Variants in TBC1D19 observed in about 807,000 individuals in gnomAD.
TBC1D19 encodes TBC1 domain family, member 19.
TBC1D19 carries 60 observed loss-of-function variants against 89.0 expected under a neutral mutation model. The ratio of observed to expected loss-of-function variants is 0.67; its 90% CI spans 0.55 to 0.84. The LOEUF is 0.84. Ranked by LOEUF, TBC1D19 falls within the 40% of genes least tolerant of loss-of-function variation. TBC1D19 has a pLI of 0.00. For missense variants in TBC1D19, 500 were observed against 610.8 expected (o/e 0.82, Z 1.91); for synonymous variants, 189 against 199.7 (o/e 0.95, Z 0.45).
chr4:26,852,119 T>C, the TBC1D19 span, among the ~76,000 whole-genome samples: 2 of 152,254 alleles, frequency 1.3e-5, no homozygotes, highest in Admixed American at 6.5e-5. Context: ...GAGTTTCTAC[T>C]GTCCTTCTGC....
downstream of TBC1D19, among the ~76,000 whole-genome samples, chr4:26,760,533 C>T (rs1024098759): frequency 2.6e-5 from 4 of 152,046 alleles, no homozygotes; most frequent in Non-Finnish European, 5.9e-5. Flanking sequence ...GCTGTGATCC[C>T]GCCACTGCAT....
At chr4:26,620,718 T>C in intron 4 of TBC1D19, 30 bp downstream of exon 4, 1 of 1,599,244 alleles carries the variant, frequency 6.3e-7, no homozygotes, top group Non-Finnish European at 8.6e-7. Context: ...CATTTTATTT[T>C]TTCATGCCAA....
intron 4 of TBC1D19, among the ~76,000 whole-genome samples, chr4:26,636,435 G>T (rs1380199609): frequency 4.0e-5 from 6 of 149,148 alleles, no homozygotes; most frequent in African/African-American, 1.5e-4. Context: ...AATCTAGATT[G>T]TGACACATTC....
At chr4:26,817,981 A>AAATATATATATATATATATATATAT in the TBC1D19 span, among the ~76,000 whole-genome samples, 4 of 126,046 alleles carry the variant, frequency 3.2e-5, no homozygotes, top group African/African-American at 1.1e-4. Flanking sequence ...AAAAAAAAAA[A>AAATATATATATATATATATATATAT]ATATATATAT....
intron 13 of TBC1D19, among the ~76,000 whole-genome samples, chr4:26,708,980 A>AT (rs1224648438): frequency 3.5e-3 from 493 of 141,348 alleles, no homozygotes; most frequent in African/African-American, 7.5e-3. Context: ...ACAGTTGTCA[A>AT]TTTTTTTTTT....
At chr4:26,650,913 C>T (rs942603441) in intron 7 of TBC1D19, among the ~76,000 whole-genome samples, 3 of 152,128 alleles carry the variant, frequency 2.0e-5, no homozygotes, top group Non-Finnish European at 4.4e-5. Context: ...GGAAGGGATC[C>T]AGTTTCAGCT....
intron 3 of TBC1D19, among the ~76,000 whole-genome samples, chr4:26,618,170 T>G (rs1741816752): frequency 6.6e-6 from 1 of 152,184 alleles, no homozygotes; most frequent in African/African-American, 2.4e-5. Flanking sequence ...TAGACAGTCT[T>G]TGCCTCCTGG....
chr4:26,581,091 A>G (rs946055764), upstream of TBC1D19, among the ~76,000 whole-genome samples: 2 of 152,192 alleles, frequency 1.3e-5, no homozygotes, highest in African/African-American at 4.8e-5. Context: ...AGTTTTAACT[A>G]TTCAGATAAA....
intron 1 of TBC1D19, 136 bp downstream of exon 1, chr4:26,584,428 A>G (rs1739287513): frequency 3.7e-6 from 1 of 267,494 alleles, no homozygotes; most frequent in Non-Finnish European, 6.7e-6. Flanking sequence ...CAAACAGACA[A>G]AAACAAAAAC....
chr4:26,825,924 G>A, the TBC1D19 span, among the ~76,000 whole-genome samples: 1 of 152,092 alleles, frequency 6.6e-6, no homozygotes, highest in Non-Finnish European at 1.5e-5. Context: ...TAAGCTGGCC[G>A]GGCATGGTGG....
chr4:26,794,157 A>G, the TBC1D19 span, among the ~76,000 whole-genome samples: 1 of 152,252 alleles, frequency 6.6e-6, no homozygotes, highest in South Asian at 2.1e-4. Context: ...TATCTGTTCT[A>G]TCCTACTAAT....
At chr4:26,757,028 T>C (rs998226822), downstream of TBC1D19, among the ~76,000 whole-genome samples, 100 of 152,106 alleles carry the variant, frequency 6.6e-4, no homozygotes, top group African/African-American at 2.3e-3. Context: ...TATTTTTTTT[T>C]TTTTTGACGC....
At chr4:26,791,302 A>G in the TBC1D19 span, among the ~76,000 whole-genome samples, 5 of 152,294 alleles carry the variant, frequency 3.3e-5, no homozygotes, top group South Asian at 1.0e-3. Flanking sequence ...TTTTTTGAGC[A>G]CTTGCTATGA....
At chr4:26,832,952 C>CGGTA in the TBC1D19 span, among the ~76,000 whole-genome samples, 3 of 152,124 alleles carry the variant, frequency 2.0e-5, no homozygotes, top group Non-Finnish European at 4.4e-5. Flanking sequence ...CGAGATTGAG[C>CGGTA]TACCGCACTC....
chr4:26,847,249 A>G, the TBC1D19 span, among the ~76,000 whole-genome samples: 1 of 152,202 alleles, frequency 6.6e-6, no homozygotes, highest in African/African-American at 2.4e-5. Flanking sequence ...AAGCTCAAGC[A>G]ATCTATACTA....
chr4:26,704,487 A>G (rs1225496645), intron 13 of TBC1D19, among the ~76,000 whole-genome samples: 1 of 152,164 alleles, frequency 6.6e-6, no homozygotes, highest in Non-Finnish European at 1.5e-5. Flanking sequence ...AGTGTGACAT[A>G]GTTATAGATA....
chr4:26,846,355 G>A, the TBC1D19 span, among the ~76,000 whole-genome samples: 2 of 151,932 alleles, frequency 1.3e-5, no homozygotes, highest in Non-Finnish European at 2.9e-5. Context: ...GTCTTAATTG[G>A]CACTTCATTA....
intron 1 of TBC1D19, among the ~76,000 whole-genome samples, chr4:26,605,423 T>C (rs1490446788): frequency 6.6e-6 from 1 of 151,920 alleles, no homozygotes; most frequent in Non-Finnish European, 1.5e-5. Context: ...ATGGTGTATA[T>C]GTGCCACATT....
At chr4:26,597,015 TG>T (rs1248744611) in intron 1 of TBC1D19, among the ~76,000 whole-genome samples, 2 of 152,262 alleles carry the variant, frequency 1.3e-5, no homozygotes, top group Non-Finnish European at 2.9e-5. Context: ...ATGTTCCGTG[TG>T]ACCTCATAAA....
Sources: allele counts gnomAD v4.1 joint callset (sites outside exome capture counted in the v4.1 genomes callset), GRCh38; gene constraint gnomAD v4.1.1; transcripts MANE v1.5; gene names NCBI Gene and HGNC (gene_info 2026-07-23, HGNC 2026-07-21).